The following PPP1R36 variants were observed in gnomAD, a reference collection of about 807,000 sequenced individuals.
PPP1R36 encodes chromosome 14 open reading frame 50.
Under a neutral mutation model 53.4 loss-of-function variants are expected in PPP1R36, and 47 were observed. That is an observed-to-expected ratio of 0.88 (90% CI 0.70 to 1.12). The LOEUF (loss-of-function observed/expected upper bound fraction) is 1.12, where lower values mean the gene tolerates loss of function less well. PPP1R36 is among the 50% of genes most tolerant of loss of function. The probability of loss-of-function intolerance (pLI) is 0.00; values close to 1 mark genes in which losing one functional copy is unlikely to be tolerated. For missense variants in PPP1R36, 456 were observed against 513.9 expected (o/e 0.89, Z 1.09); for synonymous variants, 153 against 170.5 (o/e 0.90, Z 0.80).
chr14:64,562,343 C>A (rs2080212014), intron 3 of PPP1R36, among the ~76,000 whole-genome samples: 1 of 152,076 alleles, frequency 6.6e-6, no homozygotes. Context: ...CACCTGTAAT[C>A]CCAGCTACTT....
chr14:64,574,425 A>G (rs376932242), intron 7 of PPP1R36, 30 bp from the exon 8 acceptor site: 227 of 1,586,696 alleles, frequency 1.4e-4, no homozygotes, highest in Non-Finnish European at 1.9e-4. Context: ...CAATTAACCC[A>G]AATTCTCTTT....
intron 2 of PPP1R36, chr14:64,552,580 A>G (rs1178584345): frequency 2.8e-6 from 1 of 352,334 alleles, no homozygotes. Flanking sequence ...TGTTGGACAA[A>G]TGGGGGCTGG....
At chr14:64,561,785 A>G (rs1339264141) in intron 3 of PPP1R36, 2 of 455,858 alleles carry the variant, frequency 4.4e-6, no homozygotes, top group Non-Finnish European at 8.8e-6. Flanking sequence ...TTCTTGCTTC[A>G]AGTGCCCCTA....
rs1406595107 is a variant in PPP1R36, at chr14:64,589,204, C to T, written c.1135C>T (p.Pro379Ser). The change falls in exon 12 of 12, where the codon CCC becomes TCC. Residue 379 changes from proline (P) to serine (S), a missense_variant. By Grantham distance (74) the Pro-to-Ser change is moderately conservative. Transcript: ENST00000298705. The part of the protein sequence containing the change: ...RCLFNPHTLH[P>S]LDPEENTKSF... ...TCTATTCAACCCACATACGCTTCAC[C>T]CCCTTGATCCAGAAGAAAACACAAA... 6.2e-7 allele frequency: 1 copy of T among 1,613,976 alleles called. No homozygotes were observed. The highest frequency in any genetic ancestry group is 8.5e-7 in the Non-Finnish European group (1 of 1,179,956).
At chr14:64,554,465 A>AACAGATAGTTCAAACCTATCTGTT (rs1011653848) in intron 3 of PPP1R36, among the ~76,000 whole-genome samples, 58 of 148,644 alleles carry the variant, frequency 3.9e-4, no homozygotes, top group African/African-American at 8.1e-4. Flanking sequence ...CACAAATTTT[A>AACAGATAGTTCAAACCTATCTGTT]ACAGATAGTT....
At chr14:64,579,403 GC>G (rs2080368527) in intron 8 of PPP1R36, among the ~76,000 whole-genome samples, 1 of 152,168 alleles carries the variant, frequency 6.6e-6, no homozygotes, top group East Asian at 1.9e-4. Context: ...GGATGTTTCA[GC>G]ATCAAAAATA....
rs367753961 is a variant in PPP1R36 at position 64,554,142 on chromosome 14, G to GTTTT, written c.182+1304_182+1307dup. ...AGTCTGAGCAAATCCCATCACAATT[G>GTTTT]TTTTTTTTTTTTTTTTTTTTTTTTT... On this transcript the variant is annotated intron_variant, in intron 3 of 11. Coordinates refer to ENST00000298705, the MANE Select transcript of PPP1R36 (RefSeq NM_172365.3). Among the ~76,000 whole-genome samples the GTTTT allele has an allele frequency of 2.3e-4, 15 of 65,290 alleles. 1 individual carries two copies. Among genetic ancestry groups the GTTTT allele is most frequent in the African/African-American group, 5.0e-4 (8 of 16,114 alleles). 42.8% of individuals were successfully genotyped at this position (65,290 alleles called of 152,430 possible). A position where few individuals can be genotyped will look rare whatever the true frequency, so the allele number is the denominator to read the frequency against.
chr14:64,584,615 A>G (rs1158398119), intron 8 of PPP1R36, among the ~76,000 whole-genome samples: 2 of 152,204 alleles, frequency 1.3e-5, no homozygotes, highest in Admixed American at 6.5e-5. Context: ...ATTTTAAAGA[A>G]AAAAGCTTAT....
intron 8 of PPP1R36, 138 bp from the exon 9 acceptor site, chr14:64,586,699 C>T: frequency 1.7e-6 from 1 of 579,828 alleles, no homozygotes; most frequent in Non-Finnish European, 3.1e-6. Flanking sequence ...TTTATCAATG[C>T]CTTTTGATAG....
intron 8 of PPP1R36, among the ~76,000 whole-genome samples, chr14:64,585,516 C>CA (rs57102182): frequency 0.14 from 14,751 of 108,456 alleles, 997 homozygotes; most frequent in African/African-American, 0.17. Flanking sequence ...GACCCTGTCT[C>CA]AAAAAAAAAA....
intron 9 of PPP1R36, 29 bp from the exon 10 acceptor site, chr14:64,587,165 T>G (rs765036446): frequency 6.4e-7 from 1 of 1,556,652 alleles, no homozygotes; most frequent in South Asian, 1.2e-5. Flanking sequence ...CAGCTAAGGA[T>G]CGTGATTCTT....
At chr14:64,558,701 T>C (rs145573864) in intron 3 of PPP1R36, among the ~76,000 whole-genome samples, 5,871 of 151,282 alleles carry the variant, frequency 0.039, 172 homozygotes, top group Non-Finnish European at 0.053. Context: ...AGTGGTGTAA[T>C]CTCGGCTCAC....
Position 64,589,151 on chromosome 14 carries a change from G to A in PPP1R36, c.1083-1G>A, listed in dbSNP as rs759921647. On this transcript the variant is annotated splice_acceptor_variant, in intron 11 of 11. Coordinates refer to ENST00000298705, the MANE Select transcript of PPP1R36 (RefSeq NM_172365.3). LOFTEE classifies it high-confidence loss of function. ...AGCTATCCCAATAATTCTTTTCACA[G>A]AGTTGGCATCTTGGGGGAGCCTCGA... 1.9e-6 allele frequency: 3 copies of A among 1,610,926 alleles called. No homozygotes were observed. Among genetic ancestry groups the A allele is most frequent in the Non-Finnish European group, 1.7e-6 (2 of 1,178,738 alleles).
intron 6 of PPP1R36, among the ~76,000 whole-genome samples, chr14:64,567,505 C>T (rs187390356): frequency 5.9e-5 from 9 of 152,230 alleles, no homozygotes; most frequent in Non-Finnish European, 1.0e-4. Context: ...GTGACAAAAG[C>T]AAGTTGCAAA....
At chr14:64,573,849 G>T (rs1486292409) in intron 7 of PPP1R36, among the ~76,000 whole-genome samples, 1 of 137,856 alleles carries the variant, frequency 7.3e-6, no homozygotes, top group East Asian at 2.3e-4. Flanking sequence ...GGAGGTGGAG[G>T]TCTCAGTGAG....
chr14:64,559,175 G>C (rs2080183673), intron 3 of PPP1R36, among the ~76,000 whole-genome samples: 2 of 152,180 alleles, frequency 1.3e-5, no homozygotes, highest in Admixed American at 1.3e-4. Flanking sequence ...TTTTCCACTG[G>C]GTGGTGGGAA....
chr14:64,566,134 G>A (rs2080253299), intron 6 of PPP1R36, among the ~76,000 whole-genome samples: 1 of 152,144 alleles, frequency 6.6e-6, no homozygotes. Flanking sequence ...TGGGCGTGGT[G>A]GTGGGCGCCT....
Position 64,553,250 on chromosome 14 carries a change from T to C in PPP1R36, c.182+389T>C, listed in dbSNP as rs559318104. 4.6e-5 allele frequency among the ~76,000 whole-genome samples: 7 copies of C among 152,318 alleles called. No homozygotes were observed. In the South Asian group the frequency reaches 1.4e-3, roughly 32 times the overall value. On this transcript the variant is annotated intron_variant, in intron 3 of 11. Transcript: ENST00000298705. ...GACTACAGGTGTGAGCCACCGCATCTGGCTGACAGTATTTTTCAAACTAAT... is the reference window on the plus strand; with the variant it reads ...GACTACAGGTGTGAGCCACCGCATCCGGCTGACAGTATTTTTCAAACTAAT...
Position 64,551,046 on chromosome 14 carries a change from A to G in PPP1R36, c.134+61A>G, listed in dbSNP as rs534842445. The G allele has an allele frequency of 8.9e-6, 10 of 1,128,642 alleles. No individual in the cohort carries two copies. In the East Asian group the frequency reaches 2.4e-4, roughly 27 times the overall value. The allele number at this position is 1,128,642 out of a possible 1,614,324, so 69.9% of individuals were successfully genotyped here. On this transcript the variant is annotated intron_variant, in intron 2 of 11. Transcript: ENST00000298705. ...AAAATTACATGTGCCTGGGGGAAAA[A>G]AAAGCAACAGAAGAGTATAGAGAAT...
Sources: gnomAD v4.1 joint callset for allele counts (sites outside exome capture counted in the v4.1 genomes callset) on GRCh38, gnomAD v4.1.1 for gene constraint, MANE v1.5 for transcripts, NCBI Gene and HGNC (gene_info 2026-07-23, HGNC 2026-07-21) for gene names.